Variants in MDGA2 observed in about 807,000 individuals in gnomAD.
MDGA2 encodes MAM domain containing glycosylphosphatidylinositol anchor 2.
A neutral mutation model predicts 117.8 loss-of-function variants in MDGA2; 40 were observed. That is an observed-to-expected ratio of 0.34 (90% confidence interval 0.26 to 0.44). MDGA2 has a LOEUF of 0.44. Ranked by LOEUF, MDGA2 falls within the 20% of genes least tolerant of loss-of-function variation. The pLI, the probability that MDGA2 is intolerant of heterozygous loss-of-function variation, is 1.00. For missense variants in MDGA2, 1,123 were observed against 1,250.6 expected (o/e 0.90, Z 1.54); for synonymous variants, 452 against 439.0 (o/e 1.03, Z -0.37).
At chr14:46,935,717 C>T (rs190566127) in intron 9 of MDGA2, among the ~76,000 whole-genome samples, 2 of 152,234 alleles carry the variant, frequency 1.3e-5, no homozygotes, top group Admixed American at 1.3e-4. Context: ...CTAGACAAAG[C>T]TAACCACTGT....
intron 3 of MDGA2, among the ~76,000 whole-genome samples, chr14:47,150,923 C>CA (rs34212740): frequency 0.034 from 2,822 of 82,190 alleles, 72 homozygotes; most frequent in South Asian, 0.087. Flanking sequence ...GACTCTGTCT[C>CA]AAAAAAAAAA....
chr14:47,568,559 A>T (rs1283390932), intron 1 of MDGA2, among the ~76,000 whole-genome samples: 2 of 152,192 alleles, frequency 1.3e-5, no homozygotes, highest in Non-Finnish European at 2.9e-5. Context: ...TTAACTGATC[A>T]TTTATTCCAA....
chr14:47,368,099 G>A (rs528012795), intron 1 of MDGA2, among the ~76,000 whole-genome samples: 19 of 151,882 alleles, frequency 1.3e-4, no homozygotes, highest in Admixed American at 2.6e-4. Flanking sequence ...GGCCAACATG[G>A]TGAAACCCCG....
intron 1 of MDGA2, among the ~76,000 whole-genome samples, chr14:47,439,678 A>AT (rs1039182781): frequency 1.3e-5 from 2 of 151,264 alleles, no homozygotes; most frequent in Non-Finnish European, 1.5e-5. Flanking sequence ...GACCGACTAA[A>AT]TTTTTTTTTC....
At chr14:46,881,469 A>C (rs1189200850) in intron 11 of MDGA2, among the ~76,000 whole-genome samples, 1 of 152,178 alleles carries the variant, frequency 6.6e-6, no homozygotes, top group African/African-American at 2.4e-5. Flanking sequence ...ATATAACTGC[A>C]CAACACAAAT....
chr14:46,883,622 G>A (rs528245735), intron 10 of MDGA2, among the ~76,000 whole-genome samples: 4 of 135,764 alleles, frequency 2.9e-5, no homozygotes, highest in Admixed American at 7.0e-5. Context: ...AGTTGTCTAC[G>A]TAGGAATCTC....
At chr14:46,982,707 A>T (rs1469327679) in intron 8 of MDGA2, among the ~76,000 whole-genome samples, 26 of 6,396 alleles carry the variant, frequency 4.1e-3, no homozygotes, top group African/African-American at 0.027. Flanking sequence ...GACTCCATCA[A>T]AAAAAAAAAA....
chr14:47,485,690 G>A (rs889194222), intron 1 of MDGA2, among the ~76,000 whole-genome samples: 2 of 152,110 alleles, frequency 1.3e-5, no homozygotes, highest in Admixed American at 6.5e-5. Context: ...GTGCAACCTA[G>A]GGACTTGGTG....
chr14:46,957,326 T>C, intron 9 of MDGA2, 48 bp downstream of exon 9: 1 of 1,563,660 alleles, frequency 6.4e-7, no homozygotes, highest in African/African-American at 1.4e-5. Flanking sequence ...TAAGATCTCT[T>C]GGTCTAATAA....
At chr14:47,420,843 T>TAAC (rs1473523159) in intron 1 of MDGA2, among the ~76,000 whole-genome samples, 1 of 151,506 alleles carries the variant, frequency 6.6e-6, no homozygotes, top group East Asian at 1.9e-4. Flanking sequence ...ATAATAATAA[T>TAAC]AATAAAGCAT....
At chr14:47,320,629 T>G (rs912071786) in intron 1 of MDGA2, among the ~76,000 whole-genome samples, 1 of 152,068 alleles carries the variant, frequency 6.6e-6, no homozygotes, top group African/African-American at 2.4e-5. Flanking sequence ...CTTTCTTCCT[T>G]TGAATAGTGT....
intron 2 of MDGA2, among the ~76,000 whole-genome samples, chr14:47,282,133 G>A (rs1023504576): frequency 1.3e-5 from 2 of 151,656 alleles, no homozygotes; most frequent in Non-Finnish European, 2.9e-5. Context: ...TCAGGAAAAT[G>A]CTAGACTCTT....
chr14:47,060,717 T>C (rs905093744), intron 7 of MDGA2, among the ~76,000 whole-genome samples: 3 of 152,108 alleles, frequency 2.0e-5, no homozygotes, highest in African/African-American at 7.2e-5. Context: ...CTATTTTCAT[T>C]ATGAACAGAT....
rs548310682 is a variant in MDGA2 at position 46,854,712 on chromosome 14, AT to A, written c.2883+311del. Among the ~76,000 whole-genome samples the A allele has an allele frequency of 2.3e-3, 343 of 151,248 alleles. 1 individual carries two copies. Among genetic ancestry groups the A allele is most frequent in the African/African-American group, 7.9e-3 (327 of 41,354 alleles). On this transcript the variant is annotated intron_variant, in intron 15 of 16. Transcript: ENST00000399232. Reference sequence around the variant, plus strand: ...TCCATTATTATAGAAACTTATAATAATTTTTTTTTCAGGGAGTAAAATATAA... The same window carrying A: ...TCCATTATTATAGAAACTTATAATAATTTTTTTTCAGGGAGTAAAATATAA...
intron 1 of MDGA2, among the ~76,000 whole-genome samples, chr14:47,656,043 GACAA>G (rs1194583330): frequency 3.9e-5 from 6 of 152,136 alleles, no homozygotes; most frequent in South Asian, 2.1e-4. Flanking sequence ...CAAATCACTT[GACAA>G]ACAGTTTATG....
intron 1 of MDGA2, among the ~76,000 whole-genome samples, chr14:47,609,579 C>T (rs964004262): frequency 1.0e-4 from 15 of 149,934 alleles, no homozygotes; most frequent in African/African-American, 3.7e-4. Context: ...TGTATAATGG[C>T]TTCTTTTCCT....
intron 11 of MDGA2, 60 bp downstream of exon 11, chr14:46,881,984 C>T: frequency 8.0e-7 from 1 of 1,251,636 alleles, no homozygotes; most frequent in Non-Finnish European, 1.0e-6. Flanking sequence ...ATAGCAGCAA[C>T]CAAAATTTTC....
chr14:47,627,211 G>A (rs927410799), intron 1 of MDGA2, among the ~76,000 whole-genome samples: 1 of 152,084 alleles, frequency 6.6e-6, no homozygotes, highest in African/African-American at 2.4e-5. Flanking sequence ...CCTAGCTCAG[G>A]GTTTGTGAAT....
intron 5 of MDGA2, among the ~76,000 whole-genome samples, chr14:47,126,421 T>C (rs1881905266): frequency 6.6e-6 from 1 of 152,136 alleles, no homozygotes; most frequent in Non-Finnish European, 1.5e-5. Context: ...TTAGGTGTGA[T>C]ACATAATGAC....
Sources: gnomAD v4.1 joint callset for allele counts (sites outside exome capture counted in the v4.1 genomes callset) on GRCh38, gnomAD v4.1.1 for gene constraint, MANE v1.5 for transcripts, NCBI Gene and HGNC (gene_info 2026-07-23, HGNC 2026-07-21) for gene names.